The following ZNF69 variants were observed in gnomAD, a reference collection of about 807,000 sequenced individuals.
The protein encoded by ZNF69 is zinc finger protein 69.
ZNF69 carries 47 observed loss-of-function variants against 50.9 expected under a neutral mutation model. The ratio of observed to expected loss-of-function variants is 0.92; its 90% CI spans 0.73 to 1.18. ZNF69 has a LOEUF of 1.18. Ranked by LOEUF, ZNF69 falls within the 50% of genes most tolerant of loss-of-function variation. The probability of loss-of-function intolerance (pLI) is 0.00; values close to 1 mark genes in which losing one functional copy is unlikely to be tolerated. For synonymous variants in ZNF69, 216 were observed against 223.1 expected (o/e 0.97, Z 0.29); for missense variants, 717 against 675.1 (o/e 1.06, Z -0.69).
chr19:11,955,371 G>A, the ZNF69 span, among the ~76,000 whole-genome samples: 5 of 149,692 alleles, frequency 3.3e-5, no homozygotes, highest in South Asian at 2.1e-4. Flanking sequence ...ATCCTTTTTC[G>A]TGGATGATTT....
the ZNF69 span, among the ~76,000 whole-genome samples, chr19:11,931,027 C>A: frequency 1.4e-5 from 2 of 147,570 alleles, no homozygotes; most frequent in Non-Finnish European, 2.9e-5. Context: ...CATAGATGCC[C>A]TCGTTTCACA....
chr19:11,946,278 C>G, the ZNF69 span, among the ~76,000 whole-genome samples: 1 of 152,092 alleles, frequency 6.6e-6, no homozygotes, highest in Non-Finnish European at 1.5e-5. Context: ...CTTGTCTGTT[C>G]TGGGTGGTCT....
the ZNF69 span, chr19:11,979,182 G>C: frequency 6.2e-6 from 10 of 1,612,098 alleles, no homozygotes; most frequent in Non-Finnish European, 7.6e-6. Context: ...ACACTGGAGA[G>C]AAACCCTATA....
intron 1 of ZNF69, among the ~76,000 whole-genome samples, chr19:11,894,019 T>TG (rs1177326020): frequency 6.6e-6 from 1 of 152,136 alleles, no homozygotes; most frequent in Non-Finnish European, 1.5e-5. Context: ...AAGATATGCA[T>TG]GGGGGTACAC....
At chr19:11,973,607 G>A in the ZNF69 span, among the ~76,000 whole-genome samples, 1 of 152,262 alleles carries the variant, frequency 6.6e-6, no homozygotes, top group East Asian at 1.9e-4. Flanking sequence ...CCTGAGCCTG[G>A]TGTGATGCCT....
chr19:11,931,968 A>T, the ZNF69 span, among the ~76,000 whole-genome samples: 1 of 147,730 alleles, frequency 6.8e-6, no homozygotes, highest in Non-Finnish European at 1.5e-5. Flanking sequence ...ACACAAAATT[A>T]GCCAGGCGTG....
At chr19:11,950,443 GA>G in the ZNF69 span, 1 of 734,440 alleles carries the variant, frequency 1.4e-6, no homozygotes, top group Non-Finnish European at 2.4e-6. Context: ...TCAATGTCAT[GA>G]AAGGACTCAC....
chr19:11,960,504 G>T, the ZNF69 span, among the ~76,000 whole-genome samples: 1 of 152,014 alleles, frequency 6.6e-6, no homozygotes, highest in Non-Finnish European at 1.5e-5. Flanking sequence ...GTTTTGCCCA[G>T]GCTGGTCTCA....
chr19:11,887,848 C>A lies in ZNF69; in HGVS notation c.-76C>A. The A allele has an allele frequency of 7.2e-7, 1 of 1,398,598 alleles. No individual in the cohort carries two copies. The highest frequency in any genetic ancestry group is 1.0e-6 in the Non-Finnish European group (1 of 1,000,898). The allele number at this position is 1,398,598 out of a possible 1,614,324, so 86.6% of individuals were successfully genotyped here. A position where few individuals can be genotyped will look rare whatever the true frequency, so the allele number is the denominator to read the frequency against. Reference sequence around the variant, plus strand: ...ACCTTTGTCCCTGCGCGGGCTGCGGCTGGGATCCGGTCTTTCCAGCCCCGA... The same window carrying A: ...ACCTTTGTCCCTGCGCGGGCTGCGGATGGGATCCGGTCTTTCCAGCCCCGA... On this transcript the variant is annotated 5_prime_UTR_variant, in exon 1 of 4. It adds an upstream start codon to the 5' untranslated region. Transcript: ENST00000429654.
the ZNF69 span, chr19:11,926,823 A>G: frequency 3.3e-5 from 5 of 153,590 alleles, no homozygotes; most frequent in African/African-American, 1.2e-4. Flanking sequence ...CTCCGAAATA[A>G]TAGAAAGGTC....
chr19:11,917,369 C>CTA, downstream of ZNF69, among the ~76,000 whole-genome samples: 1 of 152,126 alleles, frequency 6.6e-6, no homozygotes, highest in Non-Finnish European at 1.5e-5. Flanking sequence ...TGGGGAGGGG[C>CTA]CAGCAGGGTG....
the ZNF69 span, chr19:11,925,126 C>G: frequency 2.6e-6 from 4 of 1,534,278 alleles, no homozygotes; most frequent in Admixed American, 1.8e-5. Context: ...CCTCGCTGCG[C>G]GGGCGGCGGT....
At chr19:11,949,047 A>G in the ZNF69 span, 3 of 1,606,848 alleles carry the variant, frequency 1.9e-6, no homozygotes, top group Middle Eastern at 1.7e-4. Flanking sequence ...AATATGGGGA[A>G]GGCTTATCCT....
the ZNF69 span, chr19:11,976,701 T>C: frequency 3.5e-6 from 1 of 288,948 alleles, no homozygotes; most frequent in Non-Finnish European, 6.2e-6. Flanking sequence ...ACCCTGTCTC[T>C]ACTAAAAATA....
chr19:11,946,114 T>C, the ZNF69 span, among the ~76,000 whole-genome samples: 136 of 152,298 alleles, frequency 8.9e-4, 1 homozygote, highest in Non-Finnish European at 1.4e-3. Flanking sequence ...CAGTAGCCCT[T>C]CTGCCAGATT....
chr19:11,904,500 G>A (rs1445825213), intron 3 of ZNF69, 149 bp from the exon 4 acceptor site: 10 of 1,149,108 alleles, frequency 8.7e-6, no homozygotes, highest in African/African-American at 1.6e-5. Context: ...CTTGTACAAT[G>A]GGTTGTCCAG....
the ZNF69 span, chr19:11,950,515 C>T: frequency 3.2e-6 from 2 of 632,340 alleles, no homozygotes; most frequent in Non-Finnish European, 5.9e-6. Flanking sequence ...AGGACTTACA[C>T]TGGAGTGAAA....
At chr19:11,928,230 G>A in the ZNF69 span, among the ~76,000 whole-genome samples, 5 of 152,104 alleles carry the variant, frequency 3.3e-5, no homozygotes, top group Non-Finnish European at 5.9e-5. Context: ...AAACAGTCCT[G>A]CTTCCTTGGC....
At chr19:11,945,692 G>A in the ZNF69 span, among the ~76,000 whole-genome samples, 4 of 151,994 alleles carry the variant, frequency 2.6e-5, no homozygotes, top group Non-Finnish European at 2.9e-5. Context: ...GACCTGGCTC[G>A]GTTAAGAAAA....
Sources: allele counts gnomAD v4.1 joint callset (sites outside exome capture counted in the v4.1 genomes callset), GRCh38; gene constraint gnomAD v4.1.1; transcripts MANE v1.5; gene names NCBI Gene and HGNC (gene_info 2026-07-23, HGNC 2026-07-21).